Variants in KCNH8 observed in about 807,000 individuals in gnomAD.
KCNH8 encodes the protein potassium voltage-gated channel subfamily H member 8, also known as voltage-gated delayed rectifier potassium channel KCNH8.
In KCNH8, 70 loss-of-function variants were observed where a neutral mutation model predicts 103.6. The ratio of observed to expected loss-of-function variants is 0.68; its 90% CI spans 0.56 to 0.82. The LOEUF is 0.82. Among genes scored for constraint, KCNH8 ranks in the 40% least tolerant of loss-of-function variants. The pLI, the probability that KCNH8 is intolerant of heterozygous loss-of-function variation, is 0.00. For missense variants in KCNH8, 1,217 were observed against 1,329.9 expected, an observed-to-expected ratio of 0.92 and a Z score of 1.32; for synonymous variants, 498 against 489.4, an observed-to-expected ratio of 1.02 and a Z score of -0.23.
chr3:19,404,679 A>G (rs1374883198), intron 7 of KCNH8, among the ~76,000 whole-genome samples: 2 of 151,934 alleles, frequency 1.3e-5, no homozygotes, highest in East Asian at 1.9e-4. Flanking sequence ...TAATATGAAC[A>G]TTCAAAGAAT....
intron 7 of KCNH8, among the ~76,000 whole-genome samples, chr3:19,408,419 G>C (rs922302404): frequency 6.6e-6 from 1 of 152,130 alleles, no homozygotes; most frequent in Non-Finnish European, 1.5e-5. Flanking sequence ...CTCCAGATGA[G>C]AAGGAACCAA....
intron 1 of KCNH8, among the ~76,000 whole-genome samples, chr3:19,188,217 C>T (rs1559414459): frequency 6.6e-6 from 1 of 152,002 alleles, no homozygotes; most frequent in South Asian, 2.1e-4. Context: ...TTAGATGATG[C>T]TTTAAAATGT....
chr3:19,470,638 G>A (rs1228563253), intron 11 of KCNH8, among the ~76,000 whole-genome samples: 1 of 152,188 alleles, frequency 6.6e-6, no homozygotes, highest in African/African-American at 2.4e-5. Flanking sequence ...TAGTAGCATG[G>A]TGGTTTCCAT....
At chr3:19,287,506 C>G (rs1043731987) in intron 3 of KCNH8, among the ~76,000 whole-genome samples, 2 of 152,244 alleles carry the variant, frequency 1.3e-5, no homozygotes, top group East Asian at 3.9e-4. Flanking sequence ...GCTCTTAGCT[C>G]AAGTAAGTAG....
chr3:19,504,682 A>G lies in KCNH8; in HGVS notation c.2041-5681A>G, dbSNP rs188371406. Among the ~76,000 whole-genome samples the G allele has an allele frequency of 3.2e-3, 485 of 152,276 alleles. 4 individuals are homozygous for G. Among genetic ancestry groups the G allele is most frequent in the African/African-American group, 0.011 (440 of 41,552 alleles). On this transcript the variant is annotated intron_variant, in intron 11 of 15. Transcript: ENST00000328405. ...TTATTAAAAAGTCAGAAAATAACAG[A>G]TGCTGGAAAGATTGCAGAGAAAAAG...
At chr3:19,524,715 T>C (rs2069033625) in intron 15 of KCNH8, among the ~76,000 whole-genome samples, 1 of 151,958 alleles carries the variant, frequency 6.6e-6, no homozygotes, top group African/African-American at 2.4e-5. Context: ...ATAGGACTCT[T>C]CTCATCTTTG....
intron 11 of KCNH8, among the ~76,000 whole-genome samples, chr3:19,504,966 G>GAT (rs147882746): frequency 0.096 from 13,945 of 145,958 alleles, 729 homozygotes; most frequent in African/African-American, 0.15. Context: ...GAAAATGTGA[G>GAT]ATATATATAT....
chr3:19,482,201 T>C (rs1449835254), intron 11 of KCNH8, among the ~76,000 whole-genome samples: 1 of 152,204 alleles, frequency 6.6e-6, no homozygotes, highest in Non-Finnish European at 1.5e-5. Flanking sequence ...TTCCATACAA[T>C]GTCTATAATC....
chr3:19,495,113 G>A (rs1165957797), intron 11 of KCNH8, among the ~76,000 whole-genome samples: 1 of 152,094 alleles, frequency 6.6e-6, no homozygotes, highest in African/African-American at 2.4e-5. Context: ...TTTGTTGGAT[G>A]CATAGTTTGC....
intron 11 of KCNH8, among the ~76,000 whole-genome samples, chr3:19,498,222 A>T (rs528508130): frequency 2.6e-5 from 4 of 152,270 alleles, no homozygotes; most frequent in African/African-American, 7.2e-5. Flanking sequence ...TAAATGGAGC[A>T]TTTAGCGCAT....
intron 1 of KCNH8, among the ~76,000 whole-genome samples, chr3:19,177,263 G>A (rs1477902518): frequency 6.6e-6 from 1 of 152,038 alleles, no homozygotes; most frequent in Non-Finnish European, 1.5e-5. Context: ...AATGTGTCAG[G>A]TAATTCAAAT....
chr3:19,485,330 A>G (rs2068182582), intron 11 of KCNH8, among the ~76,000 whole-genome samples: 1 of 152,180 alleles, frequency 6.6e-6, no homozygotes. Context: ...TTTCTGTGAA[A>G]TTTACCTGAA....
chr3:19,438,734 A>C (rs1170612644), intron 8 of KCNH8, among the ~76,000 whole-genome samples: 1 of 152,140 alleles, frequency 6.6e-6, no homozygotes, highest in Non-Finnish European at 1.5e-5. Flanking sequence ...TAGGATATGT[A>C]CTCTGGACAG....
intron 5 of KCNH8, among the ~76,000 whole-genome samples, chr3:19,383,151 T>G (rs527660413): frequency 6.6e-6 from 1 of 152,274 alleles, no homozygotes; most frequent in South Asian, 2.1e-4. Context: ...CCATAATATT[T>G]GGTAAACAGC....
At chr3:19,496,990 G>C (rs2068456543) in intron 11 of KCNH8, among the ~76,000 whole-genome samples, 1 of 152,024 alleles carries the variant, frequency 6.6e-6, no homozygotes, top group Admixed American at 6.6e-5. Context: ...AGAGGTATAT[G>C]TGTCCAGGAA....
At chr3:19,472,789 T>G (rs558601365) in intron 11 of KCNH8, among the ~76,000 whole-genome samples, 1 of 152,196 alleles carries the variant, frequency 6.6e-6, no homozygotes, top group Non-Finnish European at 1.5e-5. Flanking sequence ...GACATTCACA[T>G]TTGGGTAAAT....
intron 7 of KCNH8, among the ~76,000 whole-genome samples, chr3:19,397,506 C>T (rs1018405386): frequency 6.6e-6 from 1 of 150,676 alleles, no homozygotes; most frequent in Admixed American, 6.7e-5. Flanking sequence ...TATATACACA[C>T]ACACATATAT....
At chr3:19,375,697 T>C (rs1382942888) in intron 5 of KCNH8, among the ~76,000 whole-genome samples, 5 of 152,234 alleles carry the variant, frequency 3.3e-5, no homozygotes, top group Middle Eastern at 3.2e-3. Context: ...TTTTAGAGTT[T>C]CCAGTTTTTC....
chr3:19,434,760 C>T (rs2067173516), intron 7 of KCNH8, among the ~76,000 whole-genome samples: 1 of 151,956 alleles, frequency 6.6e-6, no homozygotes, highest in Non-Finnish European at 1.5e-5. Context: ...AAGTAATATC[C>T]AGATTCTAAA....
Sources: allele counts gnomAD v4.1 joint callset (sites outside exome capture counted in the v4.1 genomes callset), GRCh38; gene constraint gnomAD v4.1.1; transcripts MANE v1.5; gene names NCBI Gene and HGNC (gene_info 2026-07-23, HGNC 2026-07-21).